The following PCF11 variants were observed in gnomAD, a reference collection of about 807,000 sequenced individuals.
The protein encoded by PCF11 is PCF11 cleavage and polyadenylation factor subunit.
Under a neutral mutation model 166.1 loss-of-function variants are expected in PCF11, and 19 were observed. The ratio of observed to expected loss-of-function variants is 0.11; its 90% CI spans 0.08 to 0.17. PCF11 has a LOEUF of 0.17. PCF11 is among the 10% of genes least tolerant of loss of function. PCF11 has a pLI of 1.00. For missense variants in PCF11, 1,565 were observed against 1,855.5 expected, an observed-to-expected ratio of 0.84 and a Z score of 2.88; for synonymous variants, 663 against 644.1, an observed-to-expected ratio of 1.03 and a Z score of -0.44.
chr11:83,186,492 C>G (rs1341462019), exon 16 of PCF11: 1 of 152,252 alleles, frequency 6.6e-6, no homozygotes, highest in African/African-American at 2.4e-5. Flanking sequence ...CTGCCTTGGC[C>G]TCCCAGAGTG....
At chr11:83,171,509 T>G (rs576635249) in intron 8 of PCF11, among the ~76,000 whole-genome samples, 35 of 152,326 alleles carry the variant, frequency 2.3e-4, no homozygotes, top group African/African-American at 8.2e-4. Context: ...TACCTTATAT[T>G]TGCATGGTAT....
chr11:83,163,141 A>G (rs1860320719), intron 2 of PCF11, among the ~76,000 whole-genome samples: 1 of 152,236 alleles, frequency 6.6e-6, no homozygotes, highest in Admixed American at 6.5e-5. Flanking sequence ...ACTAAGGCTT[A>G]TCAGTGGTTA....
intron 1 of PCF11, chr11:83,158,004 A>G (rs1860062171): frequency 1.1e-5 from 2 of 178,244 alleles, no homozygotes; most frequent in Non-Finnish European, 1.2e-5. Context: ...GAAGTGGGAG[A>G]GTGGGTCTCC....
chr11:83,178,229 A>G lies in PCF11; in HGVS notation c.3983+410A>G, dbSNP rs866131833. ...GAGATGGGGTTTCACCACGTTGGCCAGGCTAGTCTCGAACTCCTAACCTCC... is the reference window on the plus strand; with the variant it reads ...GAGATGGGGTTTCACCACGTTGGCCGGGCTAGTCTCGAACTCCTAACCTCC... On this transcript the variant is annotated intron_variant, in intron 11 of 15. Transcript: ENST00000298281. Among the ~76,000 whole-genome samples the G allele has an allele frequency of 3.9e-5, 6 of 152,050 alleles. No homozygotes were observed. In the South Asian group the frequency reaches 1.2e-3, roughly 32 times the overall value.
chr11:83,170,114 C>T (rs777793104), intron 8 of PCF11, 119 bp downstream of exon 8: 30 of 821,952 alleles, frequency 3.6e-5, no homozygotes, highest in African/African-American at 1.8e-5. Flanking sequence ...TTTTAATGTA[C>T]TCTAAAGCCA....
At chr11:83,184,835 G>C in exon 16 of PCF11, 1 of 1,592,084 alleles carries the variant, frequency 6.3e-7, no homozygotes. Flanking sequence ...TTGTACAGAG[G>C]AAAGCATAGC....
At chr11:83,168,650 G>A (rs1417697329) in exon 8 of PCF11, 2 of 1,613,934 alleles carry the variant, frequency 1.2e-6, no homozygotes, top group Non-Finnish European at 1.7e-6. Context: ...ATTTTTGAAG[G>A]ACCCAATAAA....
chr11:83,175,263 G>A (rs376943788), intron 9 of PCF11, among the ~76,000 whole-genome samples: 4 of 152,092 alleles, frequency 2.6e-5, no homozygotes, highest in African/African-American at 9.7e-5. Context: ...CTTCTGAGTA[G>A]CTGGATTACA....
At chr11:83,171,171 C>T (rs1317953717) in intron 8 of PCF11, 4 of 383,792 alleles carry the variant, frequency 1.0e-5, no homozygotes, top group Non-Finnish European at 2.1e-5. Flanking sequence ...ATAGTTCTTG[C>T]TCCATGACTA....
At chr11:83,157,933 C>T (rs543525685) in intron 1 of PCF11, 2 of 333,834 alleles carry the variant, frequency 6.0e-6, no homozygotes, top group Admixed American at 4.4e-5. Context: ...GTGGGGGAGA[C>T]TTAAAGGCAG....
At chr11:83,169,980 T>G (rs1860628064) in exon 8 of PCF11, 1 of 1,589,158 alleles carries the variant, frequency 6.3e-7, no homozygotes, top group Non-Finnish European at 8.5e-7. Flanking sequence ...TAGGAAATAT[T>G]CAGGCATCTC....
intron 7 of PCF11, among the ~76,000 whole-genome samples, chr11:83,168,099 A>G (rs1017782043): frequency 2.6e-5 from 4 of 152,154 alleles, no homozygotes; most frequent in African/African-American, 9.7e-5. Flanking sequence ...CAGGTACTTC[A>G]TTAGGTATTT....
At position 83,167,857 on chromosome 11, in the gene PCF11, A is replaced by G. The variant is rs373396594; in HGVS notation, c.2092+352A>G. 8 of 1,311,624 alleles carry G rather than the reference A, an allele frequency of 6.1e-6. No homozygotes were observed. In the South Asian group the frequency reaches 6.2e-5, roughly 10 times the overall value. 81.2% of individuals were successfully genotyped at this position (1,311,624 alleles called of 1,614,324 possible). On this transcript the variant is annotated intron_variant, in intron 7 of 15. Coordinates refer to ENST00000298281, the Ensembl canonical transcript of PCF11. This position sits in a 1 kb window ranked among gnomAD's most constrained non-coding sequence, Gnocchi z 4.2. ...ACTTATGCTGAGAATCTTTCACCCC[A>G]TGAGGGCCGGAGAAGACATGACGAG...
exon 4 of PCF11, chr11:83,164,324 C>T: frequency 6.2e-7 from 1 of 1,613,568 alleles, no homozygotes; most frequent in Non-Finnish European, 8.5e-7. Context: ...GCAGCAGTTA[C>T]TGGCAAAGCA....
chr11:83,168,337 T>G, intron 7 of PCF11, 91 bp from the exon 8 acceptor site: 1 of 1,208,124 alleles, frequency 8.3e-7, no homozygotes, highest in Non-Finnish European at 1.1e-6. Flanking sequence ...TCTAATGTAG[T>G]GAGATAGTTA....
At chr11:83,165,634 A>G (rs768430858) in exon 5 of PCF11, 22 of 1,612,266 alleles carry the variant, frequency 1.4e-5, no homozygotes, top group East Asian at 6.7e-5. Flanking sequence ...GAAACATCCA[A>G]TTTAGGTCCT....
intron 8 of PCF11, 80 bp downstream of exon 8, chr11:83,170,075 A>G: frequency 5.0e-6 from 6 of 1,203,134 alleles, no homozygotes; most frequent in East Asian, 2.5e-5. Context: ...TTTTCAGGAC[A>G]TAGTTTATTG....
exon 5 of PCF11, chr11:83,166,064 G>T (rs753901279): frequency 6.2e-7 from 1 of 1,605,490 alleles, no homozygotes; most frequent in South Asian, 1.1e-5. Context: ...ATCAAGAATC[G>T]GAAAGTATGA....
intron 11 of PCF11, among the ~76,000 whole-genome samples, chr11:83,179,178 C>G (rs1231569987): frequency 1.3e-5 from 2 of 151,890 alleles, no homozygotes. Context: ...TTCTCCTTCA[C>G]CCAACACTGT....
Sources: allele counts gnomAD v4.1 joint callset (sites outside exome capture counted in the v4.1 genomes callset), GRCh38; gene constraint gnomAD v4.1.1; non-coding constraint Gnocchi (gnomAD v3.1); transcripts MANE v1.5; gene names NCBI Gene and HGNC (gene_info 2026-07-23, HGNC 2026-07-21).